The following KAT2B variants were observed in gnomAD, a reference collection of about 807,000 sequenced individuals.
KAT2B encodes lysine acetyltransferase 2B.
KAT2B carries 36 observed loss-of-function variants against 105.9 expected under a neutral mutation model. The ratio of observed to expected loss-of-function variants is 0.34; its 90% CI spans 0.26 to 0.45. The LOEUF (loss-of-function observed/expected upper bound fraction) is 0.45. Among genes scored for constraint, KAT2B ranks in the 20% least tolerant of loss-of-function variants. The pLI is 1.00. For missense variants in KAT2B, 820 were observed against 1,021.6 expected (o/e 0.80, Z 2.69); for synonymous variants, 397 against 377.9 (o/e 1.05, Z -0.59).
chr3:20,087,930 A>G (rs1698649269), intron 2 of KAT2B, among the ~76,000 whole-genome samples: 1 of 146,522 alleles, frequency 6.8e-6, no homozygotes, highest in African/African-American at 2.6e-5. Flanking sequence ...CTGAGCCACC[A>G]TACCTAGCTA....
At position 20,089,256 on chromosome 3, in the gene KAT2B, T is replaced by C. The variant is rs563210851; in HGVS notation, c.431-6007T>C. On this transcript the variant is annotated intron_variant, in intron 2 of 17. Transcript: ENST00000263754. ...AGATTTTAAGATTATTTTTTCTATT[T>C]CTGTGAAAAATGTCATTGGAATTTT... Among the ~76,000 whole-genome samples the C allele has an allele frequency of 8.3e-4, 126 of 152,276 alleles. 1 individual carries two copies. Among genetic ancestry groups the C allele is most frequent in the African/African-American group, 3.0e-3 (125 of 41,568 alleles).
At chr3:20,123,209 A>C (rs1395734795) in intron 9 of KAT2B, among the ~76,000 whole-genome samples, 1 of 151,440 alleles carries the variant, frequency 6.6e-6, no homozygotes, top group African/African-American at 2.4e-5. Context: ...TTCTCTCCCC[A>C]CTCCCCATGA....
intron 6 of KAT2B, among the ~76,000 whole-genome samples, chr3:20,112,106 G>A (rs1699132123): frequency 6.6e-6 from 1 of 151,826 alleles, no homozygotes; most frequent in African/African-American, 2.4e-5. Context: ...AGGACGATGA[G>A]GGAGAATGTT....
rs754659716 is a variant in KAT2B at position 20,126,821 on chromosome 3, C to CAAAA, written c.1623-586_1623-583dup. Among the ~76,000 whole-genome samples, 273 of 85,484 alleles carry CAAAA rather than the reference C, an allele frequency of 3.2e-3. 5 individuals are homozygous for CAAAA. The highest frequency in any genetic ancestry group is 3.8e-3 in the Non-Finnish European group (160 of 42,304). 56.1% of individuals were successfully genotyped at this position (85,484 alleles called of 152,430 possible). On this transcript the variant is annotated intron_variant, in intron 10 of 17. Coordinates refer to ENST00000263754, the MANE Select transcript of KAT2B (RefSeq NM_003884.5). ...TGGGCAACAGAGCGAAACTCCATTT[C>CAAAA]AAAAAAAAAAAAAAAAAAACCCACG...
chr3:20,107,344 T>TA (rs1486308327), intron 5 of KAT2B, among the ~76,000 whole-genome samples: 3 of 150,002 alleles, frequency 2.0e-5, no homozygotes, highest in Non-Finnish European at 4.4e-5. Context: ...AATATATATA[T>TA]TTTTTACCCA....
chr3:20,046,887 G>T (rs1575102189), intron 1 of KAT2B, among the ~76,000 whole-genome samples: 1 of 152,292 alleles, frequency 6.6e-6, no homozygotes, highest in East Asian at 1.9e-4. Flanking sequence ...AGGAGGGAAT[G>T]CAACTGGCAA....
rs777585016 is a variant in KAT2B, at chr3:20,122,668, G to A, written c.1277G>A (p.Gly426Glu). The A allele has an allele frequency of 6.2e-7, 1 of 1,612,606 alleles. No individual in the cohort carries two copies. Among genetic ancestry groups the A allele is most frequent in the African/African-American group, 1.3e-5 (1 of 74,886 alleles). Reference protein sequence around the residue: ...KASSGLEANPGEKRKMTDSHV... With the variant: ...KASSGLEANPEEKRKMTDSHV... ...TTGCCTTTTATTTTGATCATCATAG[G>A]AGAAAAGAGGAAAATGACTGATTCT... is the stretch of plus-strand genomic sequence containing the variant. The change falls in exon 9 of 18, where the codon GGA becomes GAA. Residue 426 changes from glycine (G) to glutamate (E), a missense_variant and splice_region_variant. By Grantham distance (98) the Gly-to-Glu change is moderately conservative. This residue lies in a region of KAT2B where 225 missense variants were observed against 268.1 expected (regional missense o/e 0.84). Transcript: ENST00000263754.
At chr3:20,114,823 G>C in intron 6 of KAT2B, 59 bp from the exon 7 acceptor site, 1 of 870,938 alleles carries the variant, frequency 1.1e-6, no homozygotes, top group Non-Finnish European at 1.9e-6. Context: ...CAGATAATTA[G>C]GGCTGTTATC....
At chr3:20,093,032 T>C (rs937187259) in intron 2 of KAT2B, among the ~76,000 whole-genome samples, 2 of 152,170 alleles carry the variant, frequency 1.3e-5, no homozygotes, top group African/African-American at 2.4e-5. Flanking sequence ...TTGTCTGATA[T>C]AAACATAGCT....
intron 2 of KAT2B, among the ~76,000 whole-genome samples, chr3:20,078,475 C>T (rs950384459): frequency 3.3e-4 from 50 of 151,892 alleles, no homozygotes; most frequent in African/African-American, 1.1e-3. Flanking sequence ...TGGGCTCAAG[C>T]GATCCTTTCA....
intron 1 of KAT2B, among the ~76,000 whole-genome samples, chr3:20,045,934 C>A (rs550816332): frequency 6.6e-6 from 1 of 152,318 alleles, no homozygotes; most frequent in East Asian, 1.9e-4. Flanking sequence ...ACGCTGTTAA[C>A]TTGAAAGTCA....
chr3:20,046,505 C>T (rs890613074), intron 1 of KAT2B, among the ~76,000 whole-genome samples: 1 of 152,130 alleles, frequency 6.6e-6, no homozygotes, highest in Admixed American at 6.5e-5. Flanking sequence ...ATGGCTTGAG[C>T]CTGGGAGGCA....
chr3:20,143,477 T>C (rs1407189392), intron 13 of KAT2B, among the ~76,000 whole-genome samples: 1 of 152,084 alleles, frequency 6.6e-6, no homozygotes, highest in Non-Finnish European at 1.5e-5. Flanking sequence ...CGTTTGGAGA[T>C]TTCTCAAAGA....
At chr3:20,063,269 G>C (rs1448631247) in intron 1 of KAT2B, among the ~76,000 whole-genome samples, 1 of 151,606 alleles carries the variant, frequency 6.6e-6, no homozygotes, top group South Asian at 2.1e-4. Flanking sequence ...AGTCTTGTTT[G>C]TTGCTCAGGC....
At position 20,040,726 on chromosome 3, in the gene KAT2B, C is replaced by G. The variant is rs1213618157; in HGVS notation, c.249C>G (p.Arg83=). The G allele has an allele frequency of 1.9e-6, 3 of 1,596,666 alleles. No individual in the cohort carries two copies. The highest frequency in any genetic ancestry group is 2.6e-6 in the Non-Finnish European group (3 of 1,174,366). Reference sequence around the variant, plus strand: ...TCGCCGTGAAGAAAGCGCAACTACGCTCCGCTCCGCGGGCCAAGAAACTGG... The same window carrying G: ...TCGCCGTGAAGAAAGCGCAACTACGGTCCGCTCCGCGGGCCAAGAAACTGG... ...ARIAVKKAQL[R]SAPRAKKLEK... The change falls in exon 1 of 18, where the codon CGC becomes CGG. Residue 83 remains arginine (R), a synonymous_variant. Transcript: ENST00000263754.
chr3:20,117,130 C>T (rs1482841442), intron 7 of KAT2B, among the ~76,000 whole-genome samples: 1 of 152,168 alleles, frequency 6.6e-6, no homozygotes, highest in African/African-American at 2.4e-5. Context: ...TCAAAATTCT[C>T]CAGTCTGCTC....
At chr3:20,041,304 A>T (rs1294044492) in intron 1 of KAT2B, among the ~76,000 whole-genome samples, 3 of 151,986 alleles carry the variant, frequency 2.0e-5, no homozygotes, top group Admixed American at 2.0e-4. Flanking sequence ...CGGGGTGGGA[A>T]GGTGGGCAGA....
At chr3:20,127,139 A>G (rs910025180) in intron 10 of KAT2B, among the ~76,000 whole-genome samples, 1 of 152,144 alleles carries the variant, frequency 6.6e-6, no homozygotes, top group African/African-American at 2.4e-5. Flanking sequence ...CCAGTTCCAG[A>G]GCACCTCTGC....
intron 3 of KAT2B, 73 bp downstream of exon 3, chr3:20,095,481 G>A: frequency 1.0e-6 from 1 of 989,134 alleles, no homozygotes. Context: ...GCCAGGTCGT[G>A]GCTGTGAAGG....
Sources: allele counts gnomAD v4.1 joint callset (sites outside exome capture counted in the v4.1 genomes callset), GRCh38; gene constraint gnomAD v4.1.1; regional missense constraint gnomAD v4.1.1; transcripts MANE v1.5; gene names NCBI Gene and HGNC (gene_info 2026-07-23, HGNC 2026-07-21).